LRP1B: variants seen among roughly 807,000 people sequenced by gnomAD.
LRP1B encodes the protein LDL receptor related protein 1B.
Under a neutral mutation model 556.6 loss-of-function variants are expected in LRP1B, and 217 were observed. The ratio of observed to expected loss-of-function variants is 0.39; its 90% confidence interval spans 0.35 to 0.44. The LOEUF (loss-of-function observed/expected upper bound fraction) is 0.44. Among genes scored for constraint, LRP1B ranks in the 20% least tolerant of loss-of-function variants. The probability of loss-of-function intolerance (pLI) is 1.00; values close to 1 mark genes in which losing one functional copy is unlikely to be tolerated. For synonymous variants in LRP1B, 2,047 were observed against 1,865.8 expected, an observed-to-expected ratio of 1.10 and a Z score of -2.50; for missense variants, 5,053 against 5,620.8, an observed-to-expected ratio of 0.90 and a Z score of 3.23.
intron 6 of LRP1B, among the ~76,000 whole-genome samples, chr2:141,220,176 T>C (rs995321325): frequency 2.0e-5 from 3 of 152,102 alleles, no homozygotes; most frequent in Admixed American, 2.0e-4. Flanking sequence ...ATAAGAACCA[T>C]GATAAAACAT....
intron 11 of LRP1B, among the ~76,000 whole-genome samples, chr2:141,047,050 A>ACAGCCTGGGTGACAGAGC (rs1553451707): frequency 1.5e-4 from 1 of 6,896 alleles, no homozygotes; most frequent in African/African-American, 2.6e-4. Flanking sequence ...GCACTGCACA[A>ACAGCCTGGGTGACAGAGC]AAATTAATAA....
In LRP1B at chr2:141,111,321, G is replaced by GA. The variant is rs201852578; in HGVS notation, c.1014-49049dup. ...AGAAAAACCAAGACAGAGGAAAGCT[G>GA]AAAAAAAATGCAAATAGCAAACAAG... On this transcript the variant is annotated intron_variant, in intron 7 of 90. Transcript: ENST00000389484. 5.5e-3 allele frequency among the ~76,000 whole-genome samples: 840 copies of GA among 151,746 alleles called. 7 individuals are homozygous for GA. The highest frequency in any genetic ancestry group is 0.019 in the African/African-American group (782 of 41,420).
chr2:141,266,178 G>GC (rs753292863), intron 3 of LRP1B, among the ~76,000 whole-genome samples: 2 of 152,042 alleles, frequency 1.3e-5, no homozygotes, highest in African/African-American at 2.4e-5. Flanking sequence ...CAAACAATTT[G>GC]CCGGGGGTGA....
intron 7 of LRP1B, among the ~76,000 whole-genome samples, chr2:141,075,302 TAA>T (rs1699757632): frequency 6.6e-6 from 1 of 152,172 alleles, no homozygotes; most frequent in African/African-American, 2.4e-5. Flanking sequence ...TGAATAGAGA[TAA>T]AGAGTTCAAT....
At chr2:140,794,478 AACACACACACACACAC>A (rs6146938) in intron 32 of LRP1B, among the ~76,000 whole-genome samples, 65,684 of 149,958 alleles carry the variant, frequency 0.44, 15,903 homozygotes, top group East Asian at 0.63. Context: ...AGCTATTTAA[AACACACACACACACAC>A]ACACACACAC....
At chr2:140,534,890 T>C (rs1442255164) in intron 46 of LRP1B, among the ~76,000 whole-genome samples, 1 of 152,174 alleles carries the variant, frequency 6.6e-6, no homozygotes, top group East Asian at 1.9e-4. Flanking sequence ...AGAAGTGAGT[T>C]ATGTTACTTA....
intron 16 of LRP1B, among the ~76,000 whole-genome samples, chr2:140,991,566 G>T (rs752777200): frequency 6.6e-6 from 1 of 151,994 alleles, no homozygotes; most frequent in Non-Finnish European, 1.5e-5. Flanking sequence ...GTGCTAGACC[G>T]AGAGACTACG....
chr2:141,038,961 C>T (rs1009499428), intron 11 of LRP1B, among the ~76,000 whole-genome samples: 4 of 151,944 alleles, frequency 2.6e-5, no homozygotes, highest in Non-Finnish European at 5.9e-5. Context: ...TATAATAATA[C>T]AACAGTCTTA....
intron 2 of LRP1B, among the ~76,000 whole-genome samples, chr2:141,672,340 C>T (rs973153262): frequency 2.6e-5 from 4 of 151,992 alleles, no homozygotes; most frequent in Admixed American, 2.6e-4. Flanking sequence ...GCTTGAGGGT[C>T]CCAGGGCATT....
At chr2:141,333,150 C>T (rs1404704493) in intron 3 of LRP1B, among the ~76,000 whole-genome samples, 1 of 152,080 alleles carries the variant, frequency 6.6e-6, no homozygotes, top group Non-Finnish European at 1.5e-5. Flanking sequence ...GAAAACATAA[C>T]ATTCCCAAAC....
At chr2:140,803,086 A>C (rs1690571378) in intron 32 of LRP1B, among the ~76,000 whole-genome samples, 2 of 152,082 alleles carry the variant, frequency 1.3e-5, no homozygotes, top group Admixed American at 1.3e-4. Context: ...TGGAAGTCTT[A>C]CTTGCATTTT....
At chr2:141,162,142 G>A (rs1442519839) in intron 7 of LRP1B, among the ~76,000 whole-genome samples, 1 of 152,076 alleles carries the variant, frequency 6.6e-6, no homozygotes, top group Non-Finnish European at 1.5e-5. Flanking sequence ...CACTGGTCCA[G>A]AATGAGGATG....
intron 7 of LRP1B, among the ~76,000 whole-genome samples, chr2:141,097,185 A>G (rs1332546611): frequency 1.3e-5 from 2 of 152,210 alleles, no homozygotes; most frequent in Non-Finnish European, 2.9e-5. Context: ...TAATCATTGA[A>G]TTCTGCTCAA....
intron 15 of LRP1B, among the ~76,000 whole-genome samples, chr2:141,002,011 T>A (rs896112877): frequency 1.3e-5 from 2 of 152,112 alleles, no homozygotes; most frequent in Non-Finnish European, 2.9e-5. Context: ...CTTTAAGTTG[T>A]TCAAAGTCAT....
intron 3 of LRP1B, among the ~76,000 whole-genome samples, chr2:141,414,786 T>C (rs1271671489): frequency 6.6e-6 from 1 of 152,226 alleles, no homozygotes. Flanking sequence ...AACCGTCTTC[T>C]TGTCGTTGTT....
At chr2:141,441,738 C>T (rs1680981447) in intron 3 of LRP1B, among the ~76,000 whole-genome samples, 1 of 152,148 alleles carries the variant, frequency 6.6e-6, no homozygotes, top group African/African-American at 2.4e-5. Context: ...GAGAGAGTCA[C>T]TGTTAGCAGT....
At chr2:141,712,065 A>C (rs1403482571) in intron 2 of LRP1B, among the ~76,000 whole-genome samples, 2 of 152,028 alleles carry the variant, frequency 1.3e-5, no homozygotes, top group Admixed American at 6.6e-5. Flanking sequence ...TGCTTACCCC[A>C]CCCACACAAA....
At chr2:141,112,259 A>G (rs1378615764) in intron 7 of LRP1B, among the ~76,000 whole-genome samples, 1 of 152,090 alleles carries the variant, frequency 6.6e-6, no homozygotes, top group Non-Finnish European at 1.5e-5. Context: ...CAAAAATTTG[A>G]GTTGCCTGCT....
In LRP1B at chr2:140,526,011, A is replaced by G. The variant is rs1213635384; in HGVS notation, c.7877-18T>C. The stretch of plus-strand genomic sequence containing the variant: ...TGTGTTATCTAGAAGAAGGTAAACA[A>G]AAAATGAAAAAGTACCTCATTTTCA... On this transcript the variant is annotated intron_variant, in intron 48 of 90. Transcript: ENST00000389484. The G allele has an allele frequency of 6.2e-7, 1 of 1,609,988 alleles. No individual in the cohort carries two copies. Among genetic ancestry groups the G allele is most frequent in the Middle Eastern group, 1.7e-4 (1 of 6,034 alleles).
Sources: allele counts gnomAD v4.1 joint callset (sites outside exome capture counted in the v4.1 genomes callset), GRCh38; gene constraint gnomAD v4.1.1; transcripts MANE v1.5; gene names NCBI Gene and HGNC (gene_info 2026-07-23, HGNC 2026-07-21).